Variants in EFL1 observed in about 807,000 individuals in gnomAD.
EFL1 encodes elongation factor like GTPase 1.
In EFL1, 76 loss-of-function variants were observed where a neutral mutation model predicts 126.7. The ratio of observed to expected loss-of-function variants is 0.60; its 90% CI spans 0.50 to 0.73. EFL1 has a LOEUF of 0.73. Ranked by LOEUF, EFL1 falls within the 30% of genes least tolerant of loss-of-function variation. EFL1 has a pLI of 0.00. For synonymous variants in EFL1, 410 were observed against 448.4 expected (o/e 0.91, Z 1.08); for missense variants, 1,128 against 1,343.2 (o/e 0.84, Z 2.50).
chr15:82,238,266 A>G (rs2141324032), intron 7 of EFL1, 41 bp downstream of exon 7: 1 of 1,590,772 alleles, frequency 6.3e-7, no homozygotes, highest in Admixed American at 1.7e-5. Context: ...AACTGCATAT[A>G]AAATCTGCAA....
intron 8 of EFL1, among the ~76,000 whole-genome samples, chr15:82,229,390 G>A (rs2074798026): frequency 6.6e-6 from 1 of 152,046 alleles, no homozygotes; most frequent in Admixed American, 6.6e-5. Context: ...AATACACACA[G>A]CACACAAGCC....
At chr15:82,166,491 T>C (rs2141245406) in intron 15 of EFL1, among the ~76,000 whole-genome samples, 1 of 152,348 alleles carries the variant, frequency 6.6e-6, no homozygotes, top group African/African-American at 2.4e-5. Context: ...TACTTATTTT[T>C]AAATATAATT....
chr15:82,180,360 A>AAAAAAAAAAAAC (rs2074237414), intron 15 of EFL1, among the ~76,000 whole-genome samples: 3 of 1,856 alleles, frequency 1.6e-3, no homozygotes, highest in Admixed American at 9.8e-3. Context: ...TTAAACTGGC[A>AAAAAAAAAAAAC]AAAAAAAAAA....
chr15:82,202,565 G>C (rs1377869013), intron 15 of EFL1, among the ~76,000 whole-genome samples: 1 of 152,104 alleles, frequency 6.6e-6, no homozygotes, highest in East Asian at 1.9e-4. Flanking sequence ...TGCCTTCCAT[G>C]ATCCTCAGCT....
intron 15 of EFL1, among the ~76,000 whole-genome samples, chr15:82,201,060 GA>G (rs1224558998): frequency 6.6e-6 from 1 of 152,174 alleles, no homozygotes; most frequent in Non-Finnish European, 1.5e-5. Flanking sequence ...ATTGTTTGTA[GA>G]AACGGGGTCC....
Position 82,138,694 on chromosome 15 carries a change from G to A in EFL1, c.3138C>T (p.Gly1046=). ...TGAATACTAGTTGTGGGCTGGCCAGGCCACTTGTCCTCTTCCTGATTTCAT... is the reference window on the plus strand; with the variant it reads ...TGAATACTAGTTGTGGGCTGGCCAGACCACTTGTCCTCTTCCTGATTTCAT... ...FADEIRKRTS[G]LASPQLVFSH... Residue 1046 remains glycine (G), a synonymous_variant, in exon 19 of 20, where the codon GGC becomes GGT. Transcript: ENST00000268206. 6.2e-7 allele frequency: 1 copy of A among 1,613,898 alleles called. No individual in the cohort carries two copies. Among genetic ancestry groups the A allele is most frequent in the Non-Finnish European group, 8.5e-7 (1 of 1,179,874 alleles).
chr15:82,237,705 A>G (rs946139534), intron 7 of EFL1, among the ~76,000 whole-genome samples: 9 of 151,586 alleles, frequency 5.9e-5, no homozygotes, highest in East Asian at 1.9e-4. Flanking sequence ...AAACCTACAC[A>G]TGAATGTTTA....
chr15:82,164,126 C>T, intron 15 of EFL1, 142 bp from the exon 16 acceptor site: 1 of 1,027,442 alleles, frequency 9.7e-7, no homozygotes, highest in Non-Finnish European at 1.4e-6. Context: ...CGGACCTGCA[C>T]TGTTTTTTTT....
At chr15:82,239,873 G>A (rs2074913355) in intron 6 of EFL1, among the ~76,000 whole-genome samples, 1 of 152,092 alleles carries the variant, frequency 6.6e-6, no homozygotes, top group African/African-American at 2.4e-5. Context: ...GACTGGGTTA[G>A]ATGGCCCTTA....
intron 2 of EFL1, among the ~76,000 whole-genome samples, 188 bp from the exon 3 acceptor site, chr15:82,259,343 G>C (rs760797567): frequency 1.4e-4 from 22 of 152,210 alleles, no homozygotes; most frequent in Non-Finnish European, 2.9e-4. Context: ...ACAGAGGCTA[G>C]CACTCTATAA....
chr15:82,138,461 T>TC (rs2073748747), intron 19 of EFL1, among the ~76,000 whole-genome samples, 197 bp downstream of exon 19: 2 of 151,842 alleles, frequency 1.3e-5, no homozygotes, highest in African/African-American at 2.4e-5. Flanking sequence ...TGTGTGTGTT[T>TC]ATTATAAACC....
At chr15:82,184,779 A>C (rs1200711599) in intron 15 of EFL1, among the ~76,000 whole-genome samples, 4 of 152,216 alleles carry the variant, frequency 2.6e-5, no homozygotes, top group Non-Finnish European at 5.9e-5. Context: ...CAACTCCCAA[A>C]TTCCTCACAA....
At chr15:82,178,521 G>A (rs1192589868) in intron 15 of EFL1, among the ~76,000 whole-genome samples, 1 of 152,210 alleles carries the variant, frequency 6.6e-6, no homozygotes, top group African/African-American at 2.4e-5. Flanking sequence ...GTGACCCAAT[G>A]TCTTACAGAG....
chr15:82,243,873 CA>C (rs2074947606), intron 4 of EFL1, among the ~76,000 whole-genome samples: 1 of 152,064 alleles, frequency 6.6e-6, no homozygotes, highest in African/African-American at 2.4e-5. Flanking sequence ...TTCCACCCGA[CA>C]ATCTACATCC....
Position 82,248,770 on chromosome 15 carries a change from T to C in EFL1, c.244+3921A>G, listed in dbSNP as rs150371984. On this transcript the variant is annotated intron_variant, in intron 4 of 19. Coordinates refer to ENST00000268206, the MANE Select transcript of EFL1 (RefSeq NM_024580.6). ...CTAAAGCCCACTGCAGTGTTTTCCATATGGTGTTTTACAATTTTTAAATAA... is the reference window on the plus strand; with the variant it reads ...CTAAAGCCCACTGCAGTGTTTTCCACATGGTGTTTTACAATTTTTAAATAA... Among the ~76,000 whole-genome samples, 26 of 152,148 alleles carry C rather than the reference T, an allele frequency of 1.7e-4. No homozygotes were observed. The East Asian group carries it at 5.0e-3, about 29-fold the overall frequency.
At chr15:82,143,570 G>A (rs2073811416) in intron 18 of EFL1, among the ~76,000 whole-genome samples, 1 of 152,180 alleles carries the variant, frequency 6.6e-6, no homozygotes, top group Non-Finnish European at 1.5e-5. Context: ...TCAGGCCAAC[G>A]TGGTTGACAG....
At chr15:82,156,075 T>C (rs993822003) in intron 17 of EFL1, among the ~76,000 whole-genome samples, 6 of 152,328 alleles carry the variant, frequency 3.9e-5, no homozygotes, top group African/African-American at 1.4e-4. Context: ...TCCTTTGTCA[T>C]TAGTGCTCTT....
intron 7 of EFL1, among the ~76,000 whole-genome samples, chr15:82,232,096 C>T (rs1380883899): frequency 6.6e-6 from 1 of 152,056 alleles, no homozygotes; most frequent in Non-Finnish European, 1.5e-5. Context: ...AATTCAGGAC[C>T]TACAGGCAGG....
At chr15:82,161,080 G>T (rs1030472444) in intron 16 of EFL1, among the ~76,000 whole-genome samples, 22 of 152,022 alleles carry the variant, frequency 1.4e-4, no homozygotes, top group African/African-American at 5.1e-4. Context: ...CCCCCACTTG[G>T]GAAATTAGAG....
Sources: allele counts gnomAD v4.1 joint callset (sites outside exome capture counted in the v4.1 genomes callset), GRCh38; gene constraint gnomAD v4.1.1; transcripts MANE v1.5; gene names NCBI Gene and HGNC (gene_info 2026-07-23, HGNC 2026-07-21).